The following B3GALT1 variants were observed in gnomAD, a reference collection of about 807,000 sequenced individuals.
B3GALT1 encodes the protein beta-1,3-galactosyltransferase 1, also known as UDP-Gal:betaGlcNAc beta 1,3-galactosyltransferase, polypeptide 1.
A neutral mutation model predicts 23.2 loss-of-function variants in B3GALT1; 10 were observed. The ratio of observed to expected loss-of-function variants is 0.43; its 90% CI spans 0.27 to 0.73. B3GALT1 has a LOEUF of 0.73. Among genes scored for constraint, B3GALT1 ranks in the 30% least tolerant of loss-of-function variants. B3GALT1 has a pLI of 0.21. For synonymous variants in B3GALT1, 156 were observed against 141.5 expected, an observed-to-expected ratio of 1.10 and a Z score of -0.73; for missense variants, 299 against 405.4, an observed-to-expected ratio of 0.74 and a Z score of 2.25.
intron 4 of B3GALT1, among the ~76,000 whole-genome samples, chr2:167,837,768 T>TA (rs1360825766): frequency 2.0e-5 from 3 of 148,726 alleles, no homozygotes; most frequent in African/African-American, 7.4e-5. Flanking sequence ...ATTGACCACA[T>TA]AGTTGGAAGT....
At chr2:167,836,288 A>G (rs1229286260) in intron 4 of B3GALT1, among the ~76,000 whole-genome samples, 3 of 152,192 alleles carry the variant, frequency 2.0e-5, no homozygotes, top group Non-Finnish European at 4.4e-5. Flanking sequence ...AAAAAAATTT[A>G]GAAGAATGTA....
chr2:167,755,355 C>T (rs1687798982), intron 3 of B3GALT1, among the ~76,000 whole-genome samples: 1 of 151,626 alleles, frequency 6.6e-6, no homozygotes, highest in African/African-American at 2.4e-5. Context: ...GACTAGAACA[C>T]GATTGGTTGA....
At chr2:167,474,211 C>A (rs1298895073) in intron 1 of B3GALT1, among the ~76,000 whole-genome samples, 1 of 152,088 alleles carries the variant, frequency 6.6e-6, no homozygotes, top group East Asian at 1.9e-4. Context: ...AGCTGTTTGA[C>A]TGACTCTTAG....
At chr2:167,563,957 C>A (rs1207975142) in intron 2 of B3GALT1, among the ~76,000 whole-genome samples, 2 of 133,608 alleles carry the variant, frequency 1.5e-5, no homozygotes, top group Non-Finnish European at 3.2e-5. Context: ...CGGGGCCGAC[C>A]CCCCCACCTC....
chr2:167,638,191 G>T (rs1685591315), intron 2 of B3GALT1, among the ~76,000 whole-genome samples: 1 of 151,978 alleles, frequency 6.6e-6, no homozygotes, highest in Admixed American at 6.6e-5. Context: ...TGAAAATTAA[G>T]CTCAGAGATC....
intron 3 of B3GALT1, among the ~76,000 whole-genome samples, chr2:167,799,840 AACCTAATT>A (rs1688606357): frequency 6.6e-6 from 1 of 152,010 alleles, no homozygotes; most frequent in Admixed American, 6.6e-5. Context: ...GTTAAAGGGC[AACCTAATT>A]ACTTTGTGAA....
chr2:167,341,540 T>G (rs1387040636), intron 1 of B3GALT1, among the ~76,000 whole-genome samples: 1 of 152,066 alleles, frequency 6.6e-6, no homozygotes, highest in Admixed American at 6.5e-5. Context: ...CTTGCACCTG[T>G]AGTCCTAGCT....
chr2:167,435,309 T>G (rs1015383878), intron 1 of B3GALT1, among the ~76,000 whole-genome samples: 1 of 151,512 alleles, frequency 6.6e-6, no homozygotes, highest in Non-Finnish European at 1.5e-5. Context: ...CATTACATCT[T>G]TATTCTAACA....
intron 2 of B3GALT1, among the ~76,000 whole-genome samples, chr2:167,586,135 T>C (rs1443270718): frequency 6.7e-6 from 1 of 148,628 alleles, no homozygotes; most frequent in Non-Finnish European, 1.5e-5. Context: ...ATTTTCATAA[T>C]ACTTTGATTT....
chr2:167,339,384 A>G (rs1407069041), intron 1 of B3GALT1, among the ~76,000 whole-genome samples: 4 of 150,924 alleles, frequency 2.7e-5, no homozygotes, highest in Non-Finnish European at 5.9e-5. Flanking sequence ...ATTTGAATGC[A>G]TATGTGTGGA....
At chr2:167,841,412 T>A (rs934467512) in intron 4 of B3GALT1, among the ~76,000 whole-genome samples, 4 of 152,074 alleles carry the variant, frequency 2.6e-5, no homozygotes, top group Non-Finnish European at 5.9e-5. Context: ...GACCGAAAAT[T>A]TGGGTTGGTG....
At chr2:167,366,260 A>C (rs143570552) in intron 1 of B3GALT1, among the ~76,000 whole-genome samples, 1 of 152,338 alleles carries the variant, frequency 6.6e-6, no homozygotes, top group African/African-American at 2.4e-5. Context: ...AAAAAAATTA[A>C]GTTACCTGTT....
intron 2 of B3GALT1, among the ~76,000 whole-genome samples, chr2:167,542,616 C>A (rs1235285355): frequency 1.3e-5 from 2 of 152,108 alleles, no homozygotes; most frequent in African/African-American, 2.4e-5. Flanking sequence ...GGACTCTGAT[C>A]CACTTGTATA....
intron 1 of B3GALT1, among the ~76,000 whole-genome samples, chr2:167,297,447 C>CA (rs531770202): frequency 4.7e-5 from 7 of 149,112 alleles, no homozygotes; most frequent in Non-Finnish European, 1.0e-4. Context: ...GTTTATGCAT[C>CA]AAAAAAATAA....
chr2:167,417,932 A>C lies in B3GALT1; in HGVS notation c.-510-72245A>C, dbSNP rs536559627. On this transcript the variant is annotated intron_variant, in intron 1 of 4. Transcript: ENST00000392690. ...TATAGCACAATCAGTTGAATATTGCAATAGTAGTTCCTAACTCTTTTATAT... is the reference window on the plus strand; with the variant it reads ...TATAGCACAATCAGTTGAATATTGCCATAGTAGTTCCTAACTCTTTTATAT... Among the ~76,000 whole-genome samples, 106 of 152,332 alleles carry C rather than the reference A, an allele frequency of 7.0e-4. 2 individuals carry two copies. Among genetic ancestry groups the C allele is most frequent in the African/African-American group, 2.4e-3 (99 of 41,554 alleles).
intron 4 of B3GALT1, among the ~76,000 whole-genome samples, chr2:167,867,147 C>A (rs532270922): frequency 6.6e-6 from 1 of 152,108 alleles, no homozygotes; most frequent in Non-Finnish European, 1.5e-5. Context: ...AGGATGGTCT[C>A]GATCTCCTGA....
intron 2 of B3GALT1, among the ~76,000 whole-genome samples, chr2:167,581,936 C>G (rs961493748): frequency 3.9e-5 from 6 of 152,082 alleles, no homozygotes; most frequent in Non-Finnish European, 8.8e-5. Context: ...CTGAATGTGC[C>G]CTGTCTTCTG....
rs1272246616 is a variant in B3GALT1, at chr2:167,380,737, T to A, written c.-511+87403T>A. Among the ~76,000 whole-genome samples the A allele has an allele frequency of 5.3e-5, 8 of 152,270 alleles. No homozygotes were observed. The East Asian group carries it at 1.6e-3, about 30-fold the overall frequency. On this transcript the variant is annotated intron_variant, in intron 1 of 4. Transcript: ENST00000392690. ...AGGGCGTGGGAGAAACAAAGTGCTC[T>A]CCCTTGCCCTGGGTTGTTCGGTCCT...
In B3GALT1 at chr2:167,866,472, A is replaced by G. The variant is rs376654268; in HGVS notation, c.-229-2339A>G. Among the ~76,000 whole-genome samples, 9 of 152,328 alleles carry G rather than the reference A, an allele frequency of 5.9e-5. No homozygotes were observed. The East Asian group carries it at 1.7e-3, about 29-fold the overall frequency. On this transcript the variant is annotated intron_variant, in intron 4 of 4. Coordinates refer to ENST00000392690, the MANE Select transcript of B3GALT1 (RefSeq NM_020981.4). ...CTTCACATACAACCGGCACTCAATA[A>G]ACATTTGATTAATTGGTTGATTGAT...
Sources: gnomAD v4.1 joint callset for allele counts (sites outside exome capture counted in the v4.1 genomes callset) on GRCh38, gnomAD v4.1.1 for gene constraint, MANE v1.5 for transcripts, NCBI Gene and HGNC (gene_info 2026-07-23, HGNC 2026-07-21) for gene names.